Variants in MPZL2 observed in about 807,000 individuals in gnomAD.
The protein encoded by MPZL2 is myelin protein zero-like protein 2.
MPZL2 carries 32 observed loss-of-function variants against 24.5 expected under a neutral mutation model. That is an observed-to-expected ratio of 1.31 (90% CI 0.99 to 1.76). The LOEUF is 1.76. Among genes scored for constraint, MPZL2 ranks in the 40% most tolerant of loss-of-function variants. The pLI, the probability that MPZL2 is intolerant of heterozygous loss-of-function variation, is 0.00. For synonymous variants in MPZL2, 92 were observed against 97.9 expected (o/e 0.94, Z 0.36); for missense variants, 304 against 274.9 (o/e 1.11, Z -0.75).
At chr11:118,255,983 T>C (rs1169173258) in intron 5 of MPZL2, among the ~76,000 whole-genome samples, 1 of 152,218 alleles carries the variant, frequency 6.6e-6, no homozygotes, top group Non-Finnish European at 1.5e-5. Context: ...CCATATTTAT[T>C]TTCCATGACC....
chr11:118,260,093 C>A lies in MPZL2; in HGVS notation c.545G>T (p.Arg182Leu). The A allele has an allele frequency of 6.2e-7, 1 of 1,614,092 alleles. No homozygotes were observed. The highest frequency in any genetic ancestry group is 1.1e-5 in the South Asian group (1 of 91,082). The change falls in exon 4 of 6, where the codon CGA becomes CTA. Residue 182 changes from arginine to leucine, a missense_variant. Arg to Leu is a moderately radical substitution (Grantham distance 102). Coordinates refer to ENST00000278937, the MANE Select transcript of MPZL2 (RefSeq NM_005797.4). ...VVLFQHYRKK[R>L]WAERAHKVVE... The stretch of plus-strand genomic sequence containing the variant: ...CACTTTATGAGCTCTTTCGGCCCAT[C>A]GCTTTTTCCGGTAATGCTGGAAGAG...
intron 4 of MPZL2, 90 bp from the exon 5 acceptor site, chr11:118,257,403 C>A: frequency 9.0e-7 from 1 of 1,109,642 alleles, no homozygotes. Context: ...TATTTTTCCC[C>A]CATATTTTTG....
intron 2 of MPZL2, 115 bp downstream of exon 2, chr11:118,262,816 C>T (rs1591505895): frequency 2.0e-5 from 28 of 1,425,120 alleles, no homozygotes; most frequent in East Asian, 1.6e-4. Flanking sequence ...GAATTGTTTC[C>T]GAGCTTAACC....
In MPZL2 at chr11:118,263,106, A is replaced by T. The variant is rs747677927; in HGVS notation, c.59-9T>A. 5 of 1,609,930 alleles carry T rather than the reference A, an allele frequency of 3.1e-6. No homozygotes were observed. Among genetic ancestry groups the T allele is most frequent in the Non-Finnish European group, 4.2e-6 (5 of 1,178,642 alleles). ...TGCTATAGGCCAAAGAGCTGCAATG[A>T]AAAAGAAGAAAAAGAAGGGTTAACA... is the stretch of plus-strand genomic sequence containing the variant. On this transcript the variant is annotated splice_polypyrimidine_tract_variant and intron_variant, in intron 1 of 5. Coordinates refer to ENST00000278937, the MANE Select transcript of MPZL2 (RefSeq NM_005797.4).
At chr11:118,262,378 C>T (rs1259207443) in intron 3 of MPZL2, 60 bp downstream of exon 3, 3 of 1,533,870 alleles carry the variant, frequency 2.0e-6, no homozygotes, top group East Asian at 2.2e-5. Context: ...ACAAAGATTG[C>T]CCCTTTCTTT....
rs781010961 is a variant in MPZL2, at chr11:118,262,553, G to A, written c.321C>T (p.Ser107=). 1.2e-6 allele frequency: 2 copies of A among 1,614,214 alleles called. No individual in the cohort carries two copies. Among genetic ancestry groups the A allele is most frequent in the South Asian group, 2.2e-5 (2 of 91,084 alleles). The change falls in exon 3 of 6, where the codon TCC becomes TCT. Residue 107 remains serine (S), a synonymous_variant. Transcript: ENST00000278937. ...WDGNPERYDA[S]ILLWKLQFDD... ...CGAACTGCAGTTTCCAGAGAAGGAT[G>A]GAGGCATCGTACCGCTCAGGATTCC...
intron 4 of MPZL2, among the ~76,000 whole-genome samples, chr11:118,258,010 CA>C (rs57543563): frequency 1.3e-3 from 173 of 132,868 alleles, no homozygotes; most frequent in South Asian, 2.2e-3. Context: ...AAGTCTGTCT[CA>C]AAAAAAAAAA....
intron 4 of MPZL2, chr11:118,257,578 T>C: frequency 3.1e-6 from 1 of 319,654 alleles, no homozygotes; most frequent in Non-Finnish European, 5.7e-6. Context: ...GCAGACACCT[T>C]ATTTTACCAT....
At chr11:118,258,836 T>C (rs1174265664) in intron 4 of MPZL2, among the ~76,000 whole-genome samples, 3 of 152,114 alleles carry the variant, frequency 2.0e-5, no homozygotes, top group Non-Finnish European at 4.4e-5. Context: ...CCTGCTCCCA[T>C]TGTGCCTTCT....
At chr11:118,263,859 G>C (rs1167970609) in intron 1 of MPZL2, among the ~76,000 whole-genome samples, 1 of 152,114 alleles carries the variant, frequency 6.6e-6, no homozygotes. Flanking sequence ...CCTGAGATTA[G>C]AAAGCCCTCT....
chr11:118,258,067 G>C (rs1301538801), intron 4 of MPZL2, among the ~76,000 whole-genome samples: 1 of 151,618 alleles, frequency 6.6e-6, no homozygotes, highest in East Asian at 1.9e-4. Flanking sequence ...TGAGATAAAT[G>C]GTGCTGGAAC....
rs1949644480 is a variant in MPZL2 at position 118,253,657 on chromosome 11, G to C, written c.*1589C>G. 1 of 152,026 alleles carries C rather than the reference G, an allele frequency of 6.6e-6. No individual in the cohort carries two copies. Among genetic ancestry groups the C allele is most frequent in the East Asian group, 1.9e-4 (1 of 5,192 alleles). 9.4% of individuals were successfully genotyped at this position (152,026 alleles called of 1,614,324 possible). ...CCATCATCCAGGACATCTGTTTGAA[G>C]AAATATCCAGTTATAATATTTTCAA... On this transcript the variant is annotated 3_prime_UTR_variant, in exon 6 of 6. Coordinates refer to ENST00000278937, the MANE Select transcript of MPZL2 (RefSeq NM_005797.4).
chr11:118,264,199 A>G lies in MPZL2; in HGVS notation c.-46T>C. The G allele has an allele frequency of 6.2e-7, 1 of 1,600,598 alleles. No individual in the cohort carries two copies. The highest frequency in any genetic ancestry group is 1.1e-5 in the South Asian group (1 of 90,786). ...CCCAGAGACCGGACGGGGCAGACCG[A>G]GGGCTCCAACACCCTGCCAAGGCCA... On this transcript the variant is annotated 5_prime_UTR_variant, in exon 1 of 6. Transcript: ENST00000278937.
chr11:118,256,985 C>A, intron 5 of MPZL2: 1 of 288,506 alleles, frequency 3.5e-6, no homozygotes, highest in Non-Finnish European at 6.4e-6. Context: ...ACCCCGAAGC[C>A]ACAAATAACC....
chr11:118,262,691 A>G, intron 2 of MPZL2, 43 bp from the exon 3 acceptor site: 1 of 1,580,710 alleles, frequency 6.3e-7, no homozygotes, highest in Non-Finnish European at 8.7e-7. Context: ...CTCAGCACCC[A>G]GGCAAGGAGG....
intron 3 of MPZL2, among the ~76,000 whole-genome samples, chr11:118,261,846 AG>A (rs1237067101): frequency 6.6e-6 from 1 of 152,230 alleles, no homozygotes; most frequent in Non-Finnish European, 1.5e-5. Flanking sequence ...TACGTGACTC[AG>A]GGCAAATGAC....
intron 3 of MPZL2, among the ~76,000 whole-genome samples, chr11:118,261,279 A>C (rs1245603989): frequency 6.6e-6 from 1 of 152,206 alleles, no homozygotes; most frequent in Non-Finnish European, 1.5e-5. Context: ...AATGAAAGGA[A>C]ATCGTACCAC....
intron 1 of MPZL2, 31 bp downstream of exon 1, chr11:118,264,065 G>GA (rs1293847589): frequency 1.9e-6 from 3 of 1,607,348 alleles, no homozygotes; most frequent in Non-Finnish European, 2.6e-6. Flanking sequence ...AGTGAAGGAG[G>GA]AAACTCTGAG....
In MPZL2 at chr11:118,253,846, T is replaced by A. The variant is rs1031979428; in HGVS notation, c.*1400A>T. ...ATGAATTTCAGAACTGAGGTTCATA[T>A]GTAAATCATACAATTTTTTAAAAAA... On this transcript the variant is annotated 3_prime_UTR_variant, in exon 6 of 6. Transcript: ENST00000278937. 1.3e-5 allele frequency: 2 copies of A among 152,608 alleles called. No individual in the cohort carries two copies. Among genetic ancestry groups the A allele is most frequent in the African/African-American group, 4.8e-5 (2 of 41,446 alleles). 9.5% of individuals were successfully genotyped at this position (152,608 alleles called of 1,614,324 possible).
Sources: allele counts gnomAD v4.1 joint callset (sites outside exome capture counted in the v4.1 genomes callset), GRCh38; gene constraint gnomAD v4.1.1; transcripts MANE v1.5; gene names NCBI Gene and HGNC (gene_info 2026-07-23, HGNC 2026-07-21).